TGM2: variants seen among roughly 807,000 people sequenced by gnomAD.
TGM2 encodes protein-glutamine gamma-glutamyltransferase 2.
In TGM2, 53 loss-of-function variants were observed where a neutral mutation model predicts 75.6. The ratio of observed to expected loss-of-function variants is 0.70; its 90% CI spans 0.56 to 0.88. The LOEUF is 0.88. Among genes scored for constraint, TGM2 ranks in the 40% least tolerant of loss-of-function variants. The pLI is 0.00. For synonymous variants in TGM2, 374 were observed against 381.1 expected, an observed-to-expected ratio of 0.98 and a Z score of 0.22; for missense variants, 842 against 928.5, an observed-to-expected ratio of 0.91 and a Z score of 1.21.
At position 38,131,200 on chromosome 20, in the gene TGM2, C is replaced by A; in HGVS notation, c.1806G>T (p.Lys602Asn). ...TCTGCAGGGACACCTCAGCCACCAG[C>A]TTGCGTTTCTGCTTGGGCTCCCCAA... Reference protein sequence around the residue: ...RILGEPKQKRKLVAEVSLQNP... With the variant: ...RILGEPKQKRNLVAEVSLQNP... The change falls in exon 12 of 13, where the codon AAG becomes AAT. Residue 602 changes from lysine to asparagine, a missense_variant. Physicochemically the swap from Lys to Asn is moderately conservative, Grantham distance 94. Coordinates refer to ENST00000361475, the MANE Select transcript of TGM2 (RefSeq NM_004613.4). 1 of 1,613,958 alleles carries A rather than the reference C, an allele frequency of 6.2e-7. No individual in the cohort carries two copies. The highest frequency in any genetic ancestry group is 8.5e-7 in the Non-Finnish European group (1 of 1,180,018).
intron 10 of TGM2, 72 bp from the exon 11 acceptor site, chr20:38,132,572 G>C: frequency 6.3e-7 from 1 of 1,586,726 alleles, no homozygotes; most frequent in Non-Finnish European, 8.6e-7. Context: ...AACTCCAAGA[G>C]GCACAGAGAG....
At chr20:38,161,905 C>T (rs2075259265) in intron 1 of TGM2, among the ~76,000 whole-genome samples, 1 of 152,180 alleles carries the variant, frequency 6.6e-6, no homozygotes, top group Non-Finnish European at 1.5e-5. Context: ...GGGATCGTCC[C>T]ACCCCAGCCT....
In TGM2 at chr20:38,165,182, T is replaced by TA; in HGVS notation, c.10+6dup. ...TGAGTGGCGGCTGCGGTGACTCTGA[T>TA]ACTCACCCTCGGCCATGGTCGGGCG... On this transcript the variant is annotated splice_region_variant and intron_variant, in intron 1 of 12. Coordinates refer to ENST00000361475, the MANE Select transcript of TGM2 (RefSeq NM_004613.4). The TA allele has an allele frequency of 6.2e-7, 1 of 1,613,446 alleles. No homozygotes were observed.
chr20:38,132,715 G>A, intron 10 of TGM2: 1 of 685,906 alleles, frequency 1.5e-6, no homozygotes, highest in Non-Finnish European at 2.6e-6. Flanking sequence ...GACGCACTTG[G>A]ACTCCCACGG....
At position 38,142,165 on chromosome 20, in the gene TGM2, C is replaced by T; in HGVS notation, c.894G>A (p.Val298=). The change falls in exon 7 of 13, where the codon GTG becomes GTA. Residue 298 remains valine (V), a synonymous_variant. Coordinates refer to ENST00000361475, the MANE Select transcript of TGM2 (RefSeq NM_004613.4). Reference sequence around the variant, plus strand: ...GGTCATGGGCCGAGTTGTAGTTGGTCACGACGCGGGTAGGGATGCCCAGGC... The same window carrying T: ...GGTCATGGGCCGAGTTGTAGTTGGTTACGACGCGGGTAGGGATGCCCAGGC... ...LRCLGIPTRV[V]TNYNSAHDQN... 1 of 1,614,154 alleles carries T rather than the reference C, an allele frequency of 6.2e-7. No homozygotes were observed. Among genetic ancestry groups the T allele is most frequent in the Non-Finnish European group, 8.5e-7 (1 of 1,180,036 alleles).
In TGM2 at chr20:38,132,341, C is replaced by G. The variant is rs150712844; in HGVS notation, c.1775G>C (p.Arg592Pro). ...LYLENPEIKI[R>P]ILGEPKQKRK... ...GCCCCTTGCCCAGCCTGCCCTTACCCGGATCTTGATTTCTGGATTCTCCAG... is the reference window on the plus strand; with the variant it reads ...GCCCCTTGCCCAGCCTGCCCTTACCGGGATCTTGATTTCTGGATTCTCCAG... Residue 592 changes from arginine (R) to proline (P), a missense_variant and splice_region_variant, in exon 11 of 13, where the codon CGG (arginine) becomes CCG (proline). Arg to Pro is a moderately radical substitution (Grantham distance 103). Transcript: ENST00000361475. The G allele has an allele frequency of 1.2e-6, 2 of 1,614,076 alleles. No individual in the cohort carries two copies. Among genetic ancestry groups the G allele is most frequent in the South Asian group, 1.1e-5 (1 of 91,068 alleles).
Position 38,150,920 on chromosome 20 carries a change from G to A in TGM2, c.552+19C>T. ...AGAAGGGCCTGAGATGGTTGGGAGA[G>A]ACAGGGTGTGGCCCTTACCTGCCCA... On this transcript the variant is annotated intron_variant, in intron 4 of 12. Transcript: ENST00000361475. 1 of 1,573,990 alleles carries A rather than the reference G, an allele frequency of 6.4e-7. No individual in the cohort carries two copies. Among genetic ancestry groups the A allele is most frequent in the East Asian group, 2.2e-5 (1 of 44,698 alleles).
In TGM2 at chr20:38,132,750, C is replaced by T. The variant is rs1191354760; in HGVS notation, c.1616-250G>A. 4.9e-6 allele frequency: 3 copies of T among 609,970 alleles called. No individual in the cohort carries two copies. In the East Asian group the frequency reaches 1.1e-4, roughly 22 times the overall value. The allele number at this position is 609,970 out of a possible 1,614,324, so 37.8% of individuals were successfully genotyped here. A position where few individuals can be genotyped will look rare whatever the true frequency, so the allele number is the denominator to read the frequency against. The stretch of plus-strand genomic sequence containing the variant: ...GGCCTTGGTTCTAATCCTGCCTTTG[C>T]CTCTTCTAATGGGTGACCCCGCGTG... On this transcript the variant is annotated intron_variant, in intron 10 of 12. Coordinates refer to ENST00000361475, the MANE Select transcript of TGM2 (RefSeq NM_004613.4).
At chr20:38,164,251 A>G (rs992039801) in intron 1 of TGM2, among the ~76,000 whole-genome samples, 1 of 152,062 alleles carries the variant, frequency 6.6e-6, no homozygotes, top group Non-Finnish European at 1.5e-5. Context: ...AGTTCCTGCC[A>G]CCCATTCCTG....
chr20:38,159,999 G>C, intron 2 of TGM2, among the ~76,000 whole-genome samples: 1 of 152,194 alleles, frequency 6.6e-6, no homozygotes, highest in East Asian at 1.9e-4. Flanking sequence ...CTTGCTGGGG[G>C]CTCCTTGGCT....
chr20:38,139,650 C>G lies in TGM2; in HGVS notation c.1104G>C (p.Thr368=). 6.2e-7 allele frequency: 1 copy of G among 1,614,108 alleles called. No individual in the cohort carries two copies. Among genetic ancestry groups the G allele is most frequent in the Non-Finnish European group, 8.5e-7 (1 of 1,180,008 alleles). Residue 368 remains threonine, a synonymous_variant, in exon 9 of 13, where the codon ACG becomes ACC. Transcript: ENST00000361475. The part of the protein sequence containing the change: ...DPTPQEKSEG[T]YCCGPVPVRA... ...GAACTGGAACTGGGCCACAGCAGTA[C>G]GTCCCTGGCAGAGGTAGAAAGGGGA...
upstream of TGM2, among the ~76,000 whole-genome samples, chr20:38,167,279 C>A (rs1308279228): frequency 6.6e-6 from 1 of 152,126 alleles, no homozygotes; most frequent in Non-Finnish European, 1.5e-5. Flanking sequence ...GCCTTTTCTA[C>A]CAGGTATTTT....
At position 38,146,686 on chromosome 20, in the gene TGM2, C is replaced by T. The variant is rs144744420; in HGVS notation, c.859+31G>A. 1,656 of 1,612,348 alleles carry T rather than the reference C, an allele frequency of 1.0e-3. 10 individuals carry two copies. The African/African-American group carries it at 0.019, about 18-fold the overall frequency. On this transcript the variant is annotated intron_variant, in intron 6 of 12. Coordinates refer to ENST00000361475, the MANE Select transcript of TGM2 (RefSeq NM_004613.4). ...GTGCTCTTCGTGCCCCCTCCCAGGG[C>T]TCATGACCCACATCCCAGCGTGCAG...
chr20:38,144,929 C>T (rs934919868), intron 6 of TGM2, among the ~76,000 whole-genome samples: 4 of 152,322 alleles, frequency 2.6e-5, no homozygotes, highest in South Asian at 2.1e-4. Context: ...AATCTTCAGG[C>T]GGCCACAGCC....
At position 38,130,314 on chromosome 20, in the gene TGM2, G is replaced by A. The variant is rs755248372; in HGVS notation, c.1969C>T (p.Leu657Phe). Residue 657 changes from leucine to phenylalanine, a missense_variant, in exon 13 of 13, where the codon CTC (leucine) becomes TTC (phenylalanine). Coordinates refer to ENST00000361475, the MANE Select transcript of TGM2 (RefSeq NM_004613.4). ...ACCAGCTTGTGGAGGCCCATGTGGAGCGGCAGCAGGTCCATTCTCACCTTA... is the reference window on the plus strand; with the variant it reads ...ACCAGCTTGTGGAGGCCCATGTGGAACGGCAGCAGGTCCATTCTCACCTTA... Reference protein sequence around the residue: ...EVKVRMDLLPLHMGLHKLVVN... With the variant: ...EVKVRMDLLPFHMGLHKLVVN... 1 of 1,610,106 alleles carries A rather than the reference G, an allele frequency of 6.2e-7. No individual in the cohort carries two copies. Among genetic ancestry groups the A allele is most frequent in the South Asian group, 1.1e-5 (1 of 89,846 alleles).
intron 9 of TGM2, 62 bp downstream of exon 9, chr20:38,139,350 C>T: frequency 3.1e-6 from 5 of 1,612,268 alleles, no homozygotes; most frequent in Non-Finnish European, 4.2e-6. Flanking sequence ...CACGAGCCTG[C>T]CGGGCTGGGA....
chr20:38,135,367 C>A (rs1188192467), intron 10 of TGM2, among the ~76,000 whole-genome samples: 1 of 151,612 alleles, frequency 6.6e-6, no homozygotes, highest in African/African-American at 2.4e-5. Context: ...CTCAATATAT[C>A]CGTGTAACAA....
intron 5 of TGM2, 53 bp downstream of exon 5, chr20:38,147,908 T>A (rs2075064735): frequency 1.3e-6 from 2 of 1,577,178 alleles, no homozygotes; most frequent in Admixed American, 3.7e-5. Flanking sequence ...GGGAGAGGCC[T>A]GCGGGAGCCC....
chr20:38,148,149 C>G, intron 4 of TGM2, 60 bp from the exon 5 acceptor site: 1 of 1,610,438 alleles, frequency 6.2e-7, no homozygotes, highest in South Asian at 1.1e-5. Context: ...CTCCAGGAAG[C>G]CTGCGTTGAA....
Sources: allele counts gnomAD v4.1 joint callset (sites outside exome capture counted in the v4.1 genomes callset), GRCh38; gene constraint gnomAD v4.1.1; transcripts MANE v1.5; gene names NCBI Gene and HGNC (gene_info 2026-07-23, HGNC 2026-07-21).